AFF2: variants seen among roughly 807,000 people sequenced by gnomAD.
The protein encoded by AFF2 is AF4/FMR2 family member 2.
In AFF2, 14 loss-of-function variants were observed where a neutral mutation model predicts 76.9. The ratio of observed to expected loss-of-function variants is 0.18; its 90% CI spans 0.12 to 0.28. The LOEUF is 0.28. Among genes scored for constraint, AFF2 ranks in the 10% least tolerant of loss-of-function variants. The pLI, the probability that AFF2 is intolerant of heterozygous loss-of-function variation, is 1.00. For synonymous variants in AFF2, 398 were observed against 366.7 expected, an observed-to-expected ratio of 1.09 and a Z score of -0.98; for missense variants, 868 against 1,001.1, an observed-to-expected ratio of 0.87 and a Z score of 1.79.
chrX:148,876,298 G>A (rs1187122728), intron 7 of AFF2, among the ~76,000 whole-genome samples: 1 of 112,091 alleles, frequency 8.9e-6, no homozygotes, highest in African/African-American at 3.2e-5. Context: ...CAGATAGTCA[G>A]AGTTTGAACT....
At chrX:148,871,799 A>G (rs1034716191) in intron 7 of AFF2, among the ~76,000 whole-genome samples, 3 of 111,529 alleles carry the variant, frequency 2.7e-5, no homozygotes, top group Admixed American at 1.9e-4. Context: ...TCTCTTTAAT[A>G]TAATGCTTTG....
At chrX:148,687,620 C>T (rs962677901) in intron 3 of AFF2, among the ~76,000 whole-genome samples, 10 of 110,077 alleles carry the variant, frequency 9.1e-5, no homozygotes, top group African/African-American at 3.3e-4. Flanking sequence ...TCTGCTTGAT[C>T]CTTCTGTGAA....
intron 4 of AFF2, among the ~76,000 whole-genome samples, chrX:148,821,990 G>C (rs900381248): frequency 9.0e-6 from 1 of 111,519 alleles, no homozygotes; most frequent in Non-Finnish European, 1.9e-5. Context: ...TCCACCCAAG[G>C]TACAATAATG....
chrX:148,643,662 G>T (rs2054112890), intron 1 of AFF2, among the ~76,000 whole-genome samples: 2 of 111,974 alleles, frequency 1.8e-5, no homozygotes, highest in Admixed American at 9.5e-5. Flanking sequence ...CTGTGGTAGG[G>T]TATGTGCATA....
chrX:148,909,484 T>C (rs1557281792), intron 9 of AFF2, among the ~76,000 whole-genome samples: 1 of 112,123 alleles, frequency 8.9e-6, no homozygotes, highest in East Asian at 2.8e-4. Context: ...CTCTTTCAAT[T>C]TATTTTTAAT....
At chrX:148,672,666 T>A (rs782524790) in intron 3 of AFF2, among the ~76,000 whole-genome samples, 2 of 112,647 alleles carry the variant, frequency 1.8e-5, no homozygotes, top group African/African-American at 6.4e-5. Flanking sequence ...GCAATTTTTC[T>A]TGTGGTATTA....
chrX:148,618,525 A>C (rs56382587), intron 1 of AFF2, among the ~76,000 whole-genome samples: 3 of 111,626 alleles, frequency 2.7e-5, no homozygotes, highest in Non-Finnish European at 5.7e-5. Flanking sequence ...TGACCTTGAC[A>C]CATGGGGATT....
rs2072633976 is a variant in AFF2 at position 148,998,476 on chromosome X, C to T, written c.*7144C>T. On this transcript the variant is annotated 3_prime_UTR_variant, in exon 21 of 21. Transcript: ENST00000370460. Reference sequence around the variant, plus strand: ...TTATGAAATCGTGATAATATAACTGCATTATTACATGGCAGTATAAATATT... The same window carrying T: ...TTATGAAATCGTGATAATATAACTGTATTATTACATGGCAGTATAAATATT... 8.9e-6 allele frequency: 1 copy of T among 112,659 alleles called. No individual in the cohort carries two copies. Among genetic ancestry groups the T allele is most frequent in the Non-Finnish European group, 1.9e-5 (1 of 53,297 alleles). The allele number at this position is 112,659 out of a possible 1,213,427, so 9.3% of individuals were successfully genotyped here. A position where few individuals can be genotyped will look rare whatever the true frequency, so the allele number is the denominator to read the frequency against.
intron 1 of AFF2, among the ~76,000 whole-genome samples, chrX:148,613,033 C>G (rs1191526152): frequency 1.8e-5 from 2 of 111,674 alleles, no homozygotes; most frequent in East Asian, 5.7e-4. Flanking sequence ...GAGGCTTTTT[C>G]CAGGAGACTC....
chrX:148,565,787 G>A (rs190097257), intron 1 of AFF2, among the ~76,000 whole-genome samples: 21 of 110,908 alleles, frequency 1.9e-4, no homozygotes, highest in Admixed American at 1.8e-3. Context: ...CAGTTAACGT[G>A]TCTTTGAATA....
intron 3 of AFF2, among the ~76,000 whole-genome samples, chrX:148,718,022 GT>G (rs3067311): frequency 0.024 from 2,432 of 100,129 alleles, 67 homozygotes; most frequent in African/African-American, 0.074. Context: ...TTTCCCCTTA[GT>G]TTTTTTTTTT....
chrX:148,773,695 AAAGAAAGAAAGAAAGAAAGAAAGAAAG>A (rs1557268280), intron 3 of AFF2, among the ~76,000 whole-genome samples: 1 of 83,581 alleles, frequency 1.2e-5, no homozygotes, highest in African/African-American at 5.8e-5. Context: ...GGAAAGAAAG[AAAGAAAGAAAGAAAGAAAGAAAGAAAG>A]AAAGAAAGAA....
intron 3 of AFF2, among the ~76,000 whole-genome samples, chrX:148,727,578 C>T (rs1335347142): frequency 9.1e-6 from 1 of 110,345 alleles, no homozygotes; most frequent in African/African-American, 3.3e-5. Context: ...CACAATTGTC[C>T]TCTGAGGTTG....
At chrX:148,920,564 A>G (rs1057166290) in intron 9 of AFF2, among the ~76,000 whole-genome samples, 4 of 111,064 alleles carry the variant, frequency 3.6e-5, no homozygotes, top group Non-Finnish European at 7.5e-5. Flanking sequence ...GAGGGATGTC[A>G]ATAGGTATTG....
At chrX:148,711,030 A>G (rs2054960769) in intron 3 of AFF2, among the ~76,000 whole-genome samples, 1 of 112,017 alleles carries the variant, frequency 8.9e-6, no homozygotes, top group African/African-American at 3.2e-5. Flanking sequence ...TTGCATTACC[A>G]TGTGTTTAAA....
chrX:148,819,121 G>A (rs190283473), intron 4 of AFF2, among the ~76,000 whole-genome samples: 1 of 110,904 alleles, frequency 9.0e-6, no homozygotes, highest in Non-Finnish European at 1.9e-5. Flanking sequence ...TCATCCCCTT[G>A]TTAGATAATG....
intron 9 of AFF2, among the ~76,000 whole-genome samples, chrX:148,921,389 G>A (rs2071594318): frequency 8.9e-6 from 1 of 112,216 alleles, no homozygotes; most frequent in African/African-American, 3.2e-5. Flanking sequence ...AGGGAGCCCT[G>A]TACCCGTTAA....
At chrX:148,810,615 GC>G (rs1382943000) in intron 4 of AFF2, among the ~76,000 whole-genome samples, 2 of 111,869 alleles carry the variant, frequency 1.8e-5, no homozygotes, top group Non-Finnish European at 3.8e-5. Context: ...TCCTGTCCTG[GC>G]TCTACCATTT....
intron 1 of AFF2, among the ~76,000 whole-genome samples, chrX:148,521,648 T>C (rs930486583): frequency 8.9e-6 from 1 of 111,943 alleles, no homozygotes; most frequent in Non-Finnish European, 1.9e-5. Context: ...ATCATCAGAT[T>C]TGTCCTGATG....
Sources: gnomAD v4.1 joint callset for allele counts (sites outside exome capture counted in the v4.1 genomes callset) on GRCh38, gnomAD v4.1.1 for gene constraint, MANE v1.5 for transcripts, NCBI Gene and HGNC (gene_info 2026-07-23, HGNC 2026-07-21) for gene names.